ITSN2: variants seen among roughly 807,000 people sequenced by gnomAD.
The protein encoded by ITSN2 is intersectin 2.
ITSN2 carries 156 observed loss-of-function variants against 243.7 expected under a neutral mutation model. The ratio of observed to expected loss-of-function variants is 0.64; its 90% confidence interval spans 0.56 to 0.73. The LOEUF is 0.73. ITSN2 is among the 30% of genes least tolerant of loss of function. The pLI, the probability that ITSN2 is intolerant of heterozygous loss-of-function variation, is 0.00. For missense variants in ITSN2, 1,801 were observed against 1,996.1 expected, an observed-to-expected ratio of 0.90 and a Z score of 1.86; for synonymous variants, 703 against 699.9, an observed-to-expected ratio of 1.00 and a Z score of -0.07.
intron 13 of ITSN2, among the ~76,000 whole-genome samples, chr2:24,298,214 G>A (rs1207746294): frequency 6.6e-6 from 1 of 152,100 alleles, no homozygotes; most frequent in Non-Finnish European, 1.5e-5. Flanking sequence ...CTCGAGTGCA[G>A]TGGCGCGATC....
At chr2:24,359,705 A>C (rs1688773976) in intron 1 of ITSN2, among the ~76,000 whole-genome samples, 2 of 152,132 alleles carry the variant, frequency 1.3e-5, no homozygotes, top group African/African-American at 4.8e-5. Context: ...CTTCCTGTAT[A>C]TTCTGGAAGT....
At chr2:24,223,867 GA>G (rs1670748462) in intron 29 of ITSN2, among the ~76,000 whole-genome samples, 5 of 44,014 alleles carry the variant, frequency 1.1e-4, no homozygotes, top group African/African-American at 2.6e-4. Context: ...AGAAAGGAAA[GA>G]AAGAAAAAAA....
chr2:24,250,930 C>T lies in ITSN2; in HGVS notation c.3120+1415G>A, dbSNP rs568314058. Among the ~76,000 whole-genome samples the T allele has an allele frequency of 2.6e-5, 4 of 152,190 alleles. No individual in the cohort carries two copies. The East Asian group carries it at 7.7e-4, about 29-fold the overall frequency. On this transcript the variant is annotated intron_variant, in intron 25 of 39. Coordinates refer to ENST00000355123, the MANE Select transcript of ITSN2 (RefSeq NM_006277.3). Reference sequence around the variant, plus strand: ...GAGATTTGCAAAAATATAAAACAGCCTGTAATCCCAGCACTTTGGGAGGCC... The same window carrying T: ...GAGATTTGCAAAAATATAAAACAGCTTGTAATCCCAGCACTTTGGGAGGCC...
chr2:24,301,764 G>T (rs1363410463), intron 10 of ITSN2, among the ~76,000 whole-genome samples: 2 of 152,072 alleles, frequency 1.3e-5, no homozygotes, highest in African/African-American at 4.8e-5. Flanking sequence ...GGCCTCATGT[G>T]ATCCTCCCAC....
intron 29 of ITSN2, chr2:24,239,345 A>C (rs1480399902): frequency 6.6e-6 from 1 of 152,230 alleles, no homozygotes; most frequent in Non-Finnish European, 1.5e-5. Flanking sequence ...ATATTTTAAA[A>C]TGTTTTATTT....
chr2:24,241,470 T>C (rs535609530), intron 29 of ITSN2: 1 of 152,648 alleles, frequency 6.6e-6, no homozygotes, highest in East Asian at 1.9e-4. Context: ...GTGCTCATTC[T>C]TGGGACTGGA....
intron 20 of ITSN2, among the ~76,000 whole-genome samples, chr2:24,261,989 TAATGAGGGAAAAC>T (rs1185822645): frequency 6.6e-6 from 1 of 152,126 alleles, no homozygotes; most frequent in Non-Finnish European, 1.5e-5. Context: ...TATATATGGC[TAATGAGGGAAAAC>T]AATCCTCCCC....
intron 15 of ITSN2, among the ~76,000 whole-genome samples, chr2:24,286,741 A>G (rs1679555350): frequency 6.6e-6 from 1 of 152,200 alleles, no homozygotes; most frequent in Non-Finnish European, 1.5e-5. Context: ...ATTAATAGAA[A>G]CTATAGTTAA....
At chr2:24,330,696 T>C (rs920217117) in intron 1 of ITSN2, 11 of 693,322 alleles carry the variant, frequency 1.6e-5, no homozygotes, top group Non-Finnish European at 2.4e-5. Flanking sequence ...TTTTTATAAC[T>C]GTGTACTTCT....
intron 37 of ITSN2, 118 bp from the exon 38 acceptor site, chr2:24,205,415 A>C: frequency 1.3e-6 from 1 of 794,386 alleles, no homozygotes; most frequent in Non-Finnish European, 2.1e-6. Context: ...CCTGGGCCCA[A>C]CAGCCCAGCA....
intron 22 of ITSN2, among the ~76,000 whole-genome samples, chr2:24,260,281 C>T (rs1013189241): frequency 2.6e-5 from 4 of 151,906 alleles, no homozygotes; most frequent in East Asian, 1.9e-4. Flanking sequence ...TAATAAAATG[C>T]CTGGAACCTA....
At chr2:24,281,390 AT>A (rs1678758925) in intron 17 of ITSN2, among the ~76,000 whole-genome samples, 1 of 152,224 alleles carries the variant, frequency 6.6e-6, no homozygotes, top group South Asian at 2.1e-4. Flanking sequence ...CTCTTTCTTT[AT>A]TAACACCCCT....
chr2:24,246,824 C>G lies in ITSN2; in HGVS notation c.3358G>C (p.Glu1120Gln), dbSNP rs766675476. The change falls in exon 28 of 40, where the codon GAA becomes CAA. Residue 1120 changes from glutamate (E) to glutamine (Q), a missense_variant. Physicochemically the swap from Glu to Gln is conservative, Grantham distance 29. Transcript: ENST00000355123. ...GGATGAAAGGCAGGTGTGGCTCTTT[C>G]ACTACTTGGACCCAAAAGTTTAACA... The part of the protein sequence containing the change: ...SHVKLLGPSS[E>Q]RATPAFHPVC... The G allele has an allele frequency of 6.2e-7, 1 of 1,611,954 alleles. No homozygotes were observed. Among genetic ancestry groups the G allele is most frequent in the Admixed American group, 1.7e-5 (1 of 59,920 alleles).
chr2:24,336,461 T>A (rs1686392096), intron 1 of ITSN2, among the ~76,000 whole-genome samples: 1 of 152,174 alleles, frequency 6.6e-6, no homozygotes, highest in Non-Finnish European at 1.5e-5. Flanking sequence ...TAGTATGAAA[T>A]ACGGCCCTCT....
In ITSN2 at chr2:24,239,654, CTA is replaced by C. The variant is rs1434222304; in HGVS notation, c.3577+6473_3577+6474del. 8 of 152,024 alleles carry C rather than the reference CTA, an allele frequency of 5.3e-5. No homozygotes were observed. The East Asian group carries it at 1.5e-3, about 29-fold the overall frequency. The allele number at this position is 152,024 out of a possible 1,614,324, so 9.4% of individuals were successfully genotyped here. On this transcript the variant is annotated intron_variant, in intron 29 of 39. Transcript: ENST00000355123. ...TCAGTTGAACTCACATTTTAAAATTCTATGTTTCTGATGAACTCTAACCTTCT... is the reference window on the plus strand; with the variant it reads ...TCAGTTGAACTCACATTTTAAAATTCTGTTTCTGATGAACTCTAACCTTCT...
Position 24,208,308 on chromosome 2 carries a change from AC to A in ITSN2, c.4606del (p.Val1536CysfsTer36). On this transcript the variant is annotated frameshift_variant, in exon 37 of 40. Transcript: ENST00000355123. LOFTEE classifies it high-confidence loss of function. Reference sequence around the variant, plus strand: ...CTCAGACGCCGCCTTGATCTTCTGCACCCAGGCGGTCCTACGGGAGAAGCAG... The same window carrying A: ...CTCAGACGCCGCCTTGATCTTCTGCACCAGGCGGTCCTACGGGAGAAGCAG... ...TDNINERTAWVQKIKAASEQY... is the reference protein window; with the variant it reads ...TDNINERTAWXQKIKAASEQY... 1 of 1,611,910 alleles carries A rather than the reference AC, an allele frequency of 6.2e-7. No individual in the cohort carries two copies. The highest frequency in any genetic ancestry group is 1.3e-5 in the African/African-American group (1 of 74,820).
intron 29 of ITSN2, among the ~76,000 whole-genome samples, chr2:24,233,896 C>G (rs1249511566): frequency 6.6e-6 from 1 of 152,146 alleles, no homozygotes; most frequent in Non-Finnish European, 1.5e-5. Context: ...TTTTGACAAG[C>G]TTAAAACATC....
intron 1 of ITSN2, chr2:24,330,502 C>T: frequency 1.4e-6 from 1 of 701,692 alleles, no homozygotes; most frequent in Admixed American, 1.8e-5. Context: ...AAACCTGCTC[C>T]TCCAACGCCA....
rs756748331 is a variant in ITSN2, at chr2:24,209,078, G to A, written c.4595+22C>T. On this transcript the variant is annotated intron_variant, in intron 36 of 39. Coordinates refer to ENST00000355123, the MANE Select transcript of ITSN2 (RefSeq NM_006277.3). ...GGCCTTCTCCCAGAGTTCAAGGCAG[G>A]CCACACATGGTCAGGACTGACCTCT... is the stretch of plus-strand genomic sequence containing the variant. 6.8e-6 allele frequency: 11 copies of A among 1,612,678 alleles called. No homozygotes were observed. In the African/African-American group the frequency reaches 1.3e-4, roughly 20 times the overall value.
Sources: allele counts gnomAD v4.1 joint callset (sites outside exome capture counted in the v4.1 genomes callset), GRCh38; gene constraint gnomAD v4.1.1; transcripts MANE v1.5; gene names NCBI Gene and HGNC (gene_info 2026-07-23, HGNC 2026-07-21).